The following MTA3 variants were observed in gnomAD, a reference collection of about 807,000 sequenced individuals.
MTA3 encodes metastasis associated 1 family member 3, also known as metastasis-associated protein MTA3.
Under a neutral mutation model 83.5 loss-of-function variants are expected in MTA3, and 34 were observed. The observed-to-expected ratio is 0.41, with a 90% CI of 0.31 to 0.54. The LOEUF is 0.54. MTA3 is among the 20% of genes least tolerant of loss of function. The pLI, the probability that MTA3 is intolerant of heterozygous loss-of-function variation, is 0.33. For synonymous variants in MTA3, 303 were observed against 252.7 expected, an observed-to-expected ratio of 1.20 and a Z score of -1.89; for missense variants, 761 against 726.4, an observed-to-expected ratio of 1.05 and a Z score of -0.55.
chr2:42,687,019 C>T lies in MTA3; in HGVS notation c.891+4430C>T, dbSNP rs572771214. On this transcript the variant is annotated intron_variant, in intron 9 of 16. Coordinates refer to ENST00000405094, the MANE Select transcript of MTA3 (RefSeq NM_001330442.2). ...GCACATGCCTATAATACCAGCTACTCAGGAGGCTGAGGCATGAGAATTGCT... is the reference window on the plus strand; with the variant it reads ...GCACATGCCTATAATACCAGCTACTTAGGAGGCTGAGGCATGAGAATTGCT... Among the ~76,000 whole-genome samples, 80 of 151,772 alleles carry T rather than the reference C, an allele frequency of 5.3e-4. 2 individuals are homozygous for T. Among genetic ancestry groups the T allele is most frequent in the Non-Finnish European group, 2.9e-5 (2 of 67,940 alleles).
At chr2:42,498,159 G>C (rs1233112434) in intron 2 of MTA3, among the ~76,000 whole-genome samples, 2 of 152,186 alleles carry the variant, frequency 1.3e-5, no homozygotes, top group South Asian at 4.1e-4. Context: ...TTGCCCTGCT[G>C]TTAATTCATA....
chr2:42,638,746 T>A (rs920480516), intron 4 of MTA3, among the ~76,000 whole-genome samples: 2 of 151,230 alleles, frequency 1.3e-5, no homozygotes, highest in African/African-American at 4.9e-5. Flanking sequence ...TTGAATAAAA[T>A]ATGTTAGAAA....
chr2:42,498,750 G>A (rs1674261140), intron 2 of MTA3, among the ~76,000 whole-genome samples: 1 of 152,156 alleles, frequency 6.6e-6, no homozygotes, highest in Non-Finnish European at 1.5e-5. Context: ...AGAAAAGAAT[G>A]TTTGTAATGG....
At chr2:42,734,285 C>A (rs1668453643) in intron 16 of MTA3, among the ~76,000 whole-genome samples, 1 of 147,772 alleles carries the variant, frequency 6.8e-6, no homozygotes, top group African/African-American at 2.5e-5. Context: ...ATAAAAATGA[C>A]CTTCTTTGTC....
At chr2:42,554,212 C>T (rs1390954901) in intron 2 of MTA3, among the ~76,000 whole-genome samples, 1 of 151,904 alleles carries the variant, frequency 6.6e-6, no homozygotes, top group African/African-American at 2.4e-5. Context: ...CCAGCCTGGG[C>T]GACAGAGCAA....
chr2:42,559,931 C>T (rs1271359197), intron 2 of MTA3, among the ~76,000 whole-genome samples: 1 of 152,016 alleles, frequency 6.6e-6, no homozygotes, highest in East Asian at 1.9e-4. Flanking sequence ...GCCGTGACAG[C>T]TACCATTCTA....
intron 2 of MTA3, among the ~76,000 whole-genome samples, chr2:42,547,785 G>A (rs1354278322): frequency 6.6e-6 from 1 of 152,196 alleles, no homozygotes; most frequent in Non-Finnish European, 1.5e-5. Context: ...AAATAAAGAA[G>A]TACAGAGTCT....
intron 5 of MTA3, 105 bp from the exon 6 acceptor site, chr2:42,644,022 T>C: frequency 5.0e-6 from 3 of 602,164 alleles, no homozygotes; most frequent in African/African-American, 3.8e-5. Flanking sequence ...TGAAATTTTA[T>C]ATACTCTCTG....
In MTA3 at chr2:42,634,556, C is replaced by G. The variant is rs370621921; in HGVS notation, c.318-5617C>G. Among the ~76,000 whole-genome samples the G allele has an allele frequency of 1.4e-4, 21 of 152,304 alleles. No individual in the cohort carries two copies. The East Asian group carries it at 3.1e-3, about 22-fold the overall frequency. ...CTGCCCCCGTGATCCAATCACCACCCACTAGGTCCCTCCCTCGACACGTGA... is the reference window on the plus strand; with the variant it reads ...CTGCCCCCGTGATCCAATCACCACCGACTAGGTCCCTCCCTCGACACGTGA... On this transcript the variant is annotated intron_variant, in intron 4 of 16. Transcript: ENST00000405094.
At chr2:42,540,814 G>A (rs1042313273) in intron 2 of MTA3, among the ~76,000 whole-genome samples, 4 of 150,260 alleles carry the variant, frequency 2.7e-5, no homozygotes, top group Non-Finnish European at 5.9e-5. Context: ...CAGCCTGGGT[G>A]GCAGAGCAAG....
chr2:42,651,205 T>C (rs1431900164), intron 6 of MTA3, among the ~76,000 whole-genome samples: 1 of 152,220 alleles, frequency 6.6e-6, no homozygotes, highest in Non-Finnish European at 1.5e-5. Context: ...GGGCACTTAC[T>C]GTGAATGGAG....
At chr2:42,557,829 A>G (rs576848630) in intron 2 of MTA3, among the ~76,000 whole-genome samples, 5 of 152,322 alleles carry the variant, frequency 3.3e-5, no homozygotes, top group Admixed American at 3.3e-4. Flanking sequence ...ACTGATAAAA[A>G]GAGCAAATTC....
chr2:42,683,013 G>A (rs1692060650), intron 9 of MTA3, among the ~76,000 whole-genome samples: 1 of 152,202 alleles, frequency 6.6e-6, no homozygotes, highest in Admixed American at 6.5e-5. Flanking sequence ...GGAGGTTTCA[G>A]TGAGCCGAGA....
chr2:42,753,224 T>C (rs547982584), intron 16 of MTA3, 150 bp from the exon 17 acceptor site: 16 of 1,415,336 alleles, frequency 1.1e-5, no homozygotes, highest in Non-Finnish European at 1.3e-5. Flanking sequence ...CCACCACACC[T>C]GGCCTAGTCA....
intron 3 of MTA3, among the ~76,000 whole-genome samples, chr2:42,607,094 G>A (rs1013001670): frequency 4.8e-4 from 71 of 147,318 alleles, no homozygotes; most frequent in African/African-American, 1.6e-3. Flanking sequence ...GTAGGGGTAG[G>A]GGTAGAGGTA....
At chr2:42,597,257 G>T (rs1444524076) in intron 3 of MTA3, among the ~76,000 whole-genome samples, 1 of 151,776 alleles carries the variant, frequency 6.6e-6, no homozygotes, top group Non-Finnish European at 1.5e-5. Context: ...TAGAAATGGG[G>T]TCTCACCGTG....
intron 4 of MTA3, among the ~76,000 whole-genome samples, chr2:42,624,959 A>T (rs999689780): frequency 5.3e-5 from 8 of 152,182 alleles, no homozygotes; most frequent in Admixed American, 1.3e-4. Context: ...TGCATACTAA[A>T]ATTTTACAGT....
At chr2:42,549,271 CGTATATATGTA>C (rs1221219109) in intron 2 of MTA3, among the ~76,000 whole-genome samples, 1 of 107,764 alleles carries the variant, frequency 9.3e-6, no homozygotes, top group Admixed American at 1.2e-4. Context: ...TATACGTGTA[CGTATATATGTA>C]ATATATAATG....
At chr2:42,680,138 C>G (rs1181931909) in intron 8 of MTA3, 2 of 153,034 alleles carry the variant, frequency 1.3e-5, no homozygotes, top group African/African-American at 4.8e-5. Flanking sequence ...ACTTCTATTT[C>G]TGGATTTTCT....
Sources: gnomAD v4.1 joint callset for allele counts (sites outside exome capture counted in the v4.1 genomes callset) on GRCh38, gnomAD v4.1.1 for gene constraint, MANE v1.5 for transcripts, NCBI Gene and HGNC (gene_info 2026-07-23, HGNC 2026-07-21) for gene names.